Variants in DCTN5 observed in about 807,000 individuals in gnomAD.
The protein encoded by DCTN5 is dynactin subunit 5.
In DCTN5, 14 loss-of-function variants were observed where a neutral mutation model predicts 23.5. That is an observed-to-expected ratio of 0.60 (90% CI 0.39 to 0.93). The LOEUF (loss-of-function observed/expected upper bound fraction) is 0.93. Among genes scored for constraint, DCTN5 ranks in the 40% least tolerant of loss-of-function variants. The pLI is 0.00. For missense variants in DCTN5, 156 were observed against 225.9 expected, an observed-to-expected ratio of 0.69 and a Z score of 1.98; for synonymous variants, 67 against 79.6, an observed-to-expected ratio of 0.84 and a Z score of 0.84.
In DCTN5 at chr16:23,646,621, G is replaced by T. The variant is rs186589221; in HGVS notation, c.117+3598G>T. Among the ~76,000 whole-genome samples, 293 of 151,970 alleles carry T rather than the reference G, an allele frequency of 1.9e-3. 3 individuals carry two copies. The highest frequency in any genetic ancestry group is 6.9e-3 in the African/African-American group (285 of 41,462). ...GACGGAGTTTCCCTCTTGTCATCCA[G>T]GCTGGAGTGCAGTGGTGCAATCTCG... On this transcript the variant is annotated intron_variant, in intron 2 of 5. Coordinates refer to ENST00000300087, the MANE Select transcript of DCTN5 (RefSeq NM_032486.4).
At chr16:23,642,926 T>C (rs747957368) in intron 1 of DCTN5, 29 bp from the exon 2 acceptor site, 2 of 1,607,166 alleles carry the variant, frequency 1.2e-6, no homozygotes, top group South Asian at 1.1e-5. Context: ...TAAGTTTGCT[T>C]TCCCCGGTTT....
intron 2 of DCTN5, among the ~76,000 whole-genome samples, chr16:23,645,008 G>T (rs1967394979): frequency 7.3e-6 from 1 of 137,766 alleles, no homozygotes; most frequent in Non-Finnish European, 1.5e-5. Flanking sequence ...TCAAACTCTT[G>T]GCCTCAAGTG....
chr16:23,654,035 C>T (rs1967652297), intron 2 of DCTN5, among the ~76,000 whole-genome samples: 5 of 152,260 alleles, frequency 3.3e-5, no homozygotes, highest in African/African-American at 9.6e-5. Flanking sequence ...CAGAAAATAA[C>T]AGATGCTGGT....
At chr16:23,664,199 C>A (rs550437337) in intron 4 of DCTN5, among the ~76,000 whole-genome samples, 1 of 152,132 alleles carries the variant, frequency 6.6e-6, no homozygotes. Flanking sequence ...CAAGGAAGAA[C>A]GAAGAACTAT....
At chr16:23,645,929 C>T (rs747353491) in intron 2 of DCTN5, among the ~76,000 whole-genome samples, 11 of 152,028 alleles carry the variant, frequency 7.2e-5, no homozygotes, top group Admixed American at 3.3e-4. Context: ...CTTGATTTGG[C>T]AATGTTTGGT....
intron 4 of DCTN5, among the ~76,000 whole-genome samples, chr16:23,664,796 G>A (rs1050289540): frequency 6.6e-6 from 1 of 152,208 alleles, no homozygotes; most frequent in African/African-American, 2.4e-5. Flanking sequence ...TGAACTAATA[G>A]CTTCATATCC....
chr16:23,659,810 A>G (rs1967778489), intron 3 of DCTN5, among the ~76,000 whole-genome samples: 1 of 152,224 alleles, frequency 6.6e-6, no homozygotes, highest in Non-Finnish European at 1.5e-5. Context: ...TACTAGGGGA[A>G]AACCAGAAAA....
At chr16:23,658,444 A>T in intron 2 of DCTN5, 63 bp from the exon 3 acceptor site, 1 of 1,031,296 alleles carries the variant, frequency 9.7e-7, no homozygotes, top group Non-Finnish European at 1.5e-6. Context: ...CTCGTTATCT[A>T]CTCTTTTTTT....
At chr16:23,642,822 C>G (rs1482321749) in intron 1 of DCTN5, 133 bp from the exon 2 acceptor site, 1 of 721,796 alleles carries the variant, frequency 1.4e-6, no homozygotes, top group Non-Finnish European at 2.5e-6. Context: ...TTTTGATATC[C>G]TGGACTCACT....
Position 23,668,382 on chromosome 16 carries a change from T to A in DCTN5, c.*1238T>A, listed in dbSNP as rs1967944701. ...TTCCATCTAGAACTCCTTTCTAGTTTGTTATTTTTAAAATGTTTATACATA... is the reference window on the plus strand; with the variant it reads ...TTCCATCTAGAACTCCTTTCTAGTTAGTTATTTTTAAAATGTTTATACATA... On this transcript the variant is annotated 3_prime_UTR_variant, in exon 6 of 6. Transcript: ENST00000300087. 1 of 152,236 alleles carries A rather than the reference T, an allele frequency of 6.6e-6. No homozygotes were observed. The highest frequency in any genetic ancestry group is 1.5e-5 in the Non-Finnish European group (1 of 68,036). 9.4% of individuals were successfully genotyped at this position (152,236 alleles called of 1,614,324 possible).
In DCTN5 at chr16:23,641,565, A is replaced by G. The variant is rs1355171936; in HGVS notation, c.23A>G (p.Tyr8Cys). MELGELLYNKSEYIETAS... is the reference protein window; with the variant it reads MELGELLCNKSEYIETAS... ...GCCATGGAGTTGGGCGAGCTGCTCT[A>G]CAACAAGTCTGAGTACATCGAGACG... Residue 8 changes from tyrosine (Y) to cysteine (C), a missense_variant, in exon 1 of 6, where the codon TAC becomes TGC. Around this residue, in one of 2 missense-constraint regions of DCTN5, gnomAD observed 153 missense variants for 206.8 expected, o/e 0.74. Transcript: ENST00000300087. The G allele has an allele frequency of 1.9e-6, 3 of 1,613,824 alleles. No homozygotes were observed. The highest frequency in any genetic ancestry group is 2.5e-6 in the Non-Finnish European group (3 of 1,179,818).
chr16:23,658,181 G>A (rs2140982857), intron 2 of DCTN5, among the ~76,000 whole-genome samples: 1 of 152,290 alleles, frequency 6.6e-6, no homozygotes, highest in East Asian at 1.9e-4. Flanking sequence ...GGCTTGGGGG[G>A]CATGAGGACT....
chr16:23,660,591 A>G (rs572887082), intron 3 of DCTN5, among the ~76,000 whole-genome samples: 2 of 152,200 alleles, frequency 1.3e-5, no homozygotes, highest in Non-Finnish European at 2.9e-5. Flanking sequence ...GTGTTTCTGT[A>G]GCCCTTATCA....
At chr16:23,652,034 C>G (rs1344927276) in intron 2 of DCTN5, among the ~76,000 whole-genome samples, 1 of 152,152 alleles carries the variant, frequency 6.6e-6, no homozygotes, top group Non-Finnish European at 1.5e-5. Flanking sequence ...GACTCCATCT[C>G]AAAAACTAAA....
Position 23,668,532 on chromosome 16 carries a change from G to A in DCTN5, c.*1388G>A, listed in dbSNP as rs1967947551. On this transcript the variant is annotated 3_prime_UTR_variant, in exon 6 of 6. Coordinates refer to ENST00000300087, the MANE Select transcript of DCTN5 (RefSeq NM_032486.4). Reference sequence around the variant, plus strand: ...GTCCATGATGTCATCAGGCACCCAGGTTCCTACTGTCTTGCCATGTGGCCA... The same window carrying A: ...GTCCATGATGTCATCAGGCACCCAGATTCCTACTGTCTTGCCATGTGGCCA... 1 of 152,236 alleles carries A rather than the reference G, an allele frequency of 6.6e-6. No individual in the cohort carries two copies. Among genetic ancestry groups the A allele is most frequent in the Non-Finnish European group, 1.5e-5 (1 of 68,060 alleles). The allele number at this position is 152,236 out of a possible 1,614,324, so 9.4% of individuals were successfully genotyped here.
intron 1 of DCTN5, among the ~76,000 whole-genome samples, chr16:23,642,435 G>C (rs1967306967): frequency 6.6e-6 from 1 of 152,188 alleles, no homozygotes; most frequent in Non-Finnish European, 1.5e-5. Flanking sequence ...ATGCCACCAA[G>C]CTATAGACAT....
At position 23,671,430 on chromosome 16, in the gene DCTN5, C is replaced by T. The variant is rs1288286767; in HGVS notation, c.*4286C>T. 2 of 151,990 alleles carry T rather than the reference C, an allele frequency of 1.3e-5. No individual in the cohort carries two copies. The highest frequency in any genetic ancestry group is 2.4e-5 in the African/African-American group (1 of 41,374). 9.4% of individuals were successfully genotyped at this position (151,990 alleles called of 1,614,324 possible). On this transcript the variant is annotated 3_prime_UTR_variant, in exon 6 of 6. Transcript: ENST00000300087. ...AACATCTTGCCCTTTATAATCAGTCCGCCACAAACAAGAGATGGAGAAATC... is the reference window on the plus strand; with the variant it reads ...AACATCTTGCCCTTTATAATCAGTCTGCCACAAACAAGAGATGGAGAAATC...
In DCTN5 at chr16:23,645,112, TATATATATATATATATATATA is replaced by T. The variant is rs1219341293; in HGVS notation, c.117+2090_117+2110del. ...ATATATATATATATATATATATATATATATATATATATATATATATATATATTTTTTTTTTTTTTAATACGC... is the reference window on the plus strand; with the variant it reads ...ATATATATATATATATATATATATATTATATTTTTTTTTTTTTTAATACGC... On this transcript the variant is annotated intron_variant, in intron 2 of 5. Transcript: ENST00000300087. Among the ~76,000 whole-genome samples, 167 of 39,830 alleles carry T rather than the reference TATATATATATATATATATATA, an allele frequency of 4.2e-3. 7 individuals are homozygous for T. Among genetic ancestry groups the T allele is most frequent in the African/African-American group, 0.013 (121 of 9,632 alleles). The allele number at this position is 39,830 out of a possible 152,430, so 26.1% of individuals were successfully genotyped here.
In DCTN5 at chr16:23,669,209, A is replaced by G. The variant is rs1967961492; in HGVS notation, c.*2065A>G. ...CTTCCAGAAGAACAACCAGATGGGA[A>G]GGACCTTGGTTGGGACTCTTTCCAG... On this transcript the variant is annotated 3_prime_UTR_variant, in exon 6 of 6. Coordinates refer to ENST00000300087, the MANE Select transcript of DCTN5 (RefSeq NM_032486.4). 6.6e-6 allele frequency: 1 copy of G among 152,462 alleles called. No homozygotes were observed. Among genetic ancestry groups the G allele is most frequent in the African/African-American group, 2.4e-5 (1 of 41,454 alleles). The allele number at this position is 152,462 out of a possible 1,614,324, so 9.4% of individuals were successfully genotyped here.
Sources: gnomAD v4.1 joint callset for allele counts (sites outside exome capture counted in the v4.1 genomes callset) on GRCh38, gnomAD v4.1.1 for gene constraint, gnomAD v4.1.1 regional missense constraint, MANE v1.5 for transcripts, NCBI Gene and HGNC (gene_info 2026-07-23, HGNC 2026-07-21) for gene names.